The following AFAP1L2 variants were observed in gnomAD, a reference collection of about 807,000 sequenced individuals.
AFAP1L2 encodes the protein actin filament-associated protein 1-like 2.
In AFAP1L2, 46 loss-of-function variants were observed where a neutral mutation model predicts 99.3. The observed-to-expected ratio is 0.46, with a 90% confidence interval of 0.37 to 0.59. AFAP1L2 has a LOEUF of 0.59. Ranked by LOEUF, AFAP1L2 falls within the 20% of genes least tolerant of loss-of-function variation. AFAP1L2 has a pLI of 0.00. For synonymous variants in AFAP1L2, 397 were observed against 419.1 expected (o/e 0.95, Z 0.64); for missense variants, 959 against 1,034.9 (o/e 0.93, Z 1.01).
chr10:114,385,241 C>T (rs1288254629), intron 1 of AFAP1L2, among the ~76,000 whole-genome samples: 1 of 152,126 alleles, frequency 6.6e-6, no homozygotes, highest in African/African-American at 2.4e-5. Context: ...CACAGAGAAG[C>T]CCCGTTTTAG....
downstream of AFAP1L2, among the ~76,000 whole-genome samples, chr10:114,294,121 T>C (rs531656092): frequency 5.9e-5 from 9 of 152,326 alleles, no homozygotes; most frequent in South Asian, 1.7e-3. Flanking sequence ...CCTTGATTTT[T>C]TTGGATAAAC....
chr10:114,284,514 T>A, the AFAP1L2 span, among the ~76,000 whole-genome samples: 1 of 151,838 alleles, frequency 6.6e-6, no homozygotes, highest in African/African-American at 2.4e-5. Context: ...GTGTAGAACT[T>A]AGAAGACAGG....
chr10:114,358,787 T>C (rs2051776202), intron 1 of AFAP1L2, among the ~76,000 whole-genome samples: 1 of 152,018 alleles, frequency 6.6e-6, no homozygotes, highest in Non-Finnish European at 1.5e-5. Context: ...TGGTGGCAGA[T>C]ACCTGTAATC....
chr10:114,297,340 C>T lies in AFAP1L2; in HGVS notation c.2187G>A (p.Arg729=). 6.2e-7 allele frequency: 1 copy of T among 1,613,896 alleles called. No individual in the cohort carries two copies. The change falls in exon 17 of 19, where the codon AGG becomes AGA. Residue 729 remains arginine (R), a synonymous_variant. Transcript: ENST00000304129. ...IDEECRGEES[R]RVDLELSIME... ...TGATGCTGAGCTCCAGGTCCACGCG[C>T]CTGCTCTCCTCGCCCCGGCACTCCT...
intron 1 of AFAP1L2, among the ~76,000 whole-genome samples, chr10:114,350,157 T>C (rs1480194807): frequency 6.6e-6 from 1 of 152,114 alleles, no homozygotes; most frequent in Non-Finnish European, 1.5e-5. Context: ...GACAGGGCCT[T>C]TGAAAATTCA....
intron 1 of AFAP1L2, among the ~76,000 whole-genome samples, chr10:114,397,324 G>A (rs1015604497): frequency 6.6e-6 from 1 of 152,180 alleles, no homozygotes; most frequent in African/African-American, 2.4e-5. Context: ...TTTCCAGAAA[G>A]TCATATAAAT....
At chr10:114,344,193 C>T (rs1440138128) in intron 1 of AFAP1L2, among the ~76,000 whole-genome samples, 1 of 152,160 alleles carries the variant, frequency 6.6e-6, no homozygotes, top group Non-Finnish European at 1.5e-5. Context: ...ACTAAAAGGC[C>T]TTAGCTTGTG....
chr10:114,349,535 T>C (rs777432274), intron 1 of AFAP1L2, among the ~76,000 whole-genome samples: 33 of 120,416 alleles, frequency 2.7e-4, no homozygotes, highest in Admixed American at 3.9e-4. Flanking sequence ...CTGGGCAACA[T>C]AATGAGAGCT....
intron 1 of AFAP1L2, among the ~76,000 whole-genome samples, chr10:114,371,748 G>C (rs528983542): frequency 2.6e-5 from 4 of 150,984 alleles, no homozygotes; most frequent in Admixed American, 1.3e-4. Flanking sequence ...ACCATGGCAC[G>C]TGTATACCTA....
intron 1 of AFAP1L2, among the ~76,000 whole-genome samples, chr10:114,345,632 G>A (rs150473978): frequency 2.6e-5 from 4 of 152,342 alleles, no homozygotes; most frequent in African/African-American, 9.6e-5. Context: ...TCCCTGATGA[G>A]TAGCGGCACG....
chr10:114,354,730 C>T (rs11817739), intron 1 of AFAP1L2, among the ~76,000 whole-genome samples: 12,449 of 152,166 alleles, frequency 0.082, 1,274 homozygotes, highest in African/African-American at 0.24. Flanking sequence ...TCCAGTCTAA[C>T]GATTAAGCCA....
chr10:114,385,173 A>C (rs1014589143), intron 1 of AFAP1L2, among the ~76,000 whole-genome samples: 10 of 152,182 alleles, frequency 6.6e-5, no homozygotes, highest in Admixed American at 5.2e-4. Context: ...GCATGAACAA[A>C]GTCCTGGCTG....
At chr10:114,394,807 G>T (rs1450386352) in intron 1 of AFAP1L2, among the ~76,000 whole-genome samples, 1 of 151,998 alleles carries the variant, frequency 6.6e-6, no homozygotes, top group Non-Finnish European at 1.5e-5. Context: ...TTACCGACTT[G>T]AACCAGAGAC....
At chr10:114,289,714 TC>T in the AFAP1L2 span, 501 of 581,774 alleles carry the variant, frequency 8.6e-4, no homozygotes, top group Non-Finnish European at 1.2e-3. Context: ...CATAGATAAC[TC>T]CCCCCAAACT....
At chr10:114,294,179 A>AT (rs1032573418), downstream of AFAP1L2, among the ~76,000 whole-genome samples, 3 of 152,110 alleles carry the variant, frequency 2.0e-5, no homozygotes, top group African/African-American at 7.2e-5. Flanking sequence ...TGAATTTTTC[A>AT]TTTGCCAACA....
chr10:114,328,006 G>A (rs966339702), intron 4 of AFAP1L2, among the ~76,000 whole-genome samples: 3 of 152,230 alleles, frequency 2.0e-5, no homozygotes, highest in South Asian at 2.1e-4. Flanking sequence ...GCAGGCCAGC[G>A]CATGGCCAGG....
chr10:114,334,976 G>A (rs1159802595), intron 2 of AFAP1L2, among the ~76,000 whole-genome samples: 2 of 152,208 alleles, frequency 1.3e-5, no homozygotes, highest in Non-Finnish European at 2.9e-5. Flanking sequence ...ATACTAGGGG[G>A]TTTGGAAAGG....
Position 114,301,430 on chromosome 10 carries a change from T to TAAG in AFAP1L2, c.1463_1465dup (p.Thr488_Tyr489insSer). The TAAG allele has an allele frequency of 3.1e-6, 5 of 1,614,142 alleles. No homozygotes were observed. Among genetic ancestry groups the TAAG allele is most frequent in the Non-Finnish European group, 4.2e-6 (5 of 1,179,984 alleles). On this transcript the variant is annotated inframe_insertion, in exon 13 of 19. Transcript: ENST00000304129. Reference sequence around the variant, plus strand: ...GTCCTGGCTAGGCAGGCCATCGATGTAAGTGTTGGGCTCTGAGAACTTTCT... The same window carrying TAAG: ...GTCCTGGCTAGGCAGGCCATCGATGTAAGAAGTGTTGGGCTCTGAGAACTTTCT...
rs144601264 is a variant in AFAP1L2 at position 114,323,596 on chromosome 10, C to T, written c.316-335G>A. 3.4e-4 allele frequency among the ~76,000 whole-genome samples: 51 copies of T among 152,216 alleles called. 1 individual carries two copies. In the East Asian group the frequency reaches 7.3e-3, roughly 22 times the overall value. ...TGCACTTAGCAGTCCAGAGAGTGCCCGGCTGTTGGGATAGCTATTGTGGCT... is the reference window on the plus strand; with the variant it reads ...TGCACTTAGCAGTCCAGAGAGTGCCTGGCTGTTGGGATAGCTATTGTGGCT... On this transcript the variant is annotated intron_variant, in intron 4 of 18. Transcript: ENST00000304129.
Sources: allele counts gnomAD v4.1 joint callset (sites outside exome capture counted in the v4.1 genomes callset), GRCh38; gene constraint gnomAD v4.1.1; transcripts MANE v1.5; gene names NCBI Gene and HGNC (gene_info 2026-07-23, HGNC 2026-07-21).